EPHA6: variants seen among roughly 807,000 people sequenced by gnomAD.
The protein encoded by EPHA6 is EPH receptor A6, also known as ephrin type-A receptor 6.
In EPHA6, 50 loss-of-function variants were observed where a neutral mutation model predicts 112.0. The ratio of observed to expected loss-of-function variants is 0.45; its 90% CI spans 0.36 to 0.56. The LOEUF is 0.56. Among genes scored for constraint, EPHA6 ranks in the 20% least tolerant of loss-of-function variants. The pLI is 0.00. For missense variants in EPHA6, 1,280 were observed against 1,417.4 expected (o/e 0.90, Z 1.56); for synonymous variants, 529 against 490.7 (o/e 1.08, Z -1.03).
intron 2 of EPHA6, among the ~76,000 whole-genome samples, chr3:96,904,275 T>C (rs1329202457): frequency 2.0e-5 from 3 of 151,496 alleles, no homozygotes; most frequent in East Asian, 3.9e-4. Flanking sequence ...TACTATGCAG[T>C]GATAAAAAAT....
At chr3:97,218,030 G>T (rs1473123237) in intron 3 of EPHA6, among the ~76,000 whole-genome samples, 2 of 152,108 alleles carry the variant, frequency 1.3e-5, no homozygotes, top group Non-Finnish European at 2.9e-5. Context: ...CAGCACTTTG[G>T]CAGACCGAGG....
intron 3 of EPHA6, among the ~76,000 whole-genome samples, chr3:97,218,193 C>CT (rs1348249148): frequency 6.6e-6 from 1 of 151,810 alleles, no homozygotes; most frequent in Non-Finnish European, 1.5e-5. Context: ...ACCACCTGAG[C>CT]TTGGGAGGTG....
intron 3 of EPHA6, among the ~76,000 whole-genome samples, chr3:97,183,096 C>G (rs1051693136): frequency 1.3e-5 from 2 of 151,724 alleles, no homozygotes; most frequent in African/African-American, 4.8e-5. Context: ...AATTGTTTAG[C>G]TTAATTTTAT....
intron 14 of EPHA6, among the ~76,000 whole-genome samples, chr3:97,644,935 T>C (rs1465739607): frequency 6.6e-6 from 1 of 152,008 alleles, no homozygotes; most frequent in African/African-American, 2.4e-5. Flanking sequence ...TAACTCATTT[T>C]ATGAGGCCAG....
chr3:97,391,459 T>C (rs2086392752), intron 5 of EPHA6, among the ~76,000 whole-genome samples: 1 of 151,982 alleles, frequency 6.6e-6, no homozygotes. Context: ...TACATAACTT[T>C]GGGTAAGTCT....
Position 97,752,488 on chromosome 3 carries a change from C to T in EPHA6, c.*3787C>T, listed in dbSNP as rs1576404492. The stretch of plus-strand genomic sequence containing the variant: ...CAGCCCTGTTTTTAATTCCCCCATC[C>T]TCTCTCTTTATTCCTTTCTCAGCTT... On this transcript the variant is annotated 3_prime_UTR_variant, in exon 18 of 18. Coordinates refer to ENST00000389672, the MANE Select transcript of EPHA6 (RefSeq NM_001080448.3). 4.6e-6 allele frequency: 1 copy of T among 218,632 alleles called. No individual in the cohort carries two copies. Among genetic ancestry groups the T allele is most frequent in the Non-Finnish European group, 9.2e-6 (1 of 108,512 alleles). 13.5% of individuals were successfully genotyped at this position (218,632 alleles called of 1,614,324 possible). A position where few individuals can be genotyped will look rare whatever the true frequency, so the allele number is the denominator to read the frequency against.
In EPHA6 at chr3:97,619,894, T is replaced by C. The variant is rs539430023; in HGVS notation, c.2574+9040T>C. Among the ~76,000 whole-genome samples, 5 of 152,244 alleles carry C rather than the reference T, an allele frequency of 3.3e-5. No homozygotes were observed. The South Asian group carries it at 1.0e-3, about 32-fold the overall frequency. ...TTCCATAAAACTACCATTGGTGTTC[T>C]TCACAGAACTAGAAAAAACTATTTT... On this transcript the variant is annotated intron_variant, in intron 13 of 17. Coordinates refer to ENST00000389672, the MANE Select transcript of EPHA6 (RefSeq NM_001080448.3).
chr3:97,367,289 A>C (rs2084788941), intron 5 of EPHA6, among the ~76,000 whole-genome samples: 1 of 152,186 alleles, frequency 6.6e-6, no homozygotes. Context: ...AATAGAGAAT[A>C]AAGTAGCCCC....
chr3:97,145,223 A>G (rs2076010336), intron 3 of EPHA6, among the ~76,000 whole-genome samples: 1 of 151,478 alleles, frequency 6.6e-6, no homozygotes, highest in Non-Finnish European at 1.5e-5. Context: ...TGACAGATGT[A>G]CAATGAAATA....
chr3:97,267,338 C>A (rs188423037), intron 5 of EPHA6, among the ~76,000 whole-genome samples: 1 of 151,966 alleles, frequency 6.6e-6, no homozygotes, highest in East Asian at 1.9e-4. Context: ...CTTTCTTGCA[C>A]CCACTAAAAT....
chr3:96,994,728 T>TAGAGAGAGAGAGAGAGAGAG (rs1455826302), intron 3 of EPHA6, among the ~76,000 whole-genome samples: 1 of 78,854 alleles, frequency 1.3e-5, no homozygotes, highest in Non-Finnish European at 2.3e-5. Context: ...TATATATATA[T>TAGAGAGAGAGAGAGAGAGAG]ATATAGAGAG....
chr3:97,035,155 G>A (rs546940906), intron 3 of EPHA6, among the ~76,000 whole-genome samples: 1 of 151,906 alleles, frequency 6.6e-6, no homozygotes, highest in South Asian at 2.1e-4. Context: ...TATTTATATG[G>A]GGTCATTATT....
At chr3:97,623,046 T>C (rs143723761) in intron 13 of EPHA6, among the ~76,000 whole-genome samples, 2 of 151,988 alleles carry the variant, frequency 1.3e-5, no homozygotes, top group East Asian at 1.9e-4. Context: ...TCTCCCATTC[T>C]GTGCGTTGCC....
intron 2 of EPHA6, among the ~76,000 whole-genome samples, chr3:96,920,933 C>T (rs2039726491): frequency 6.6e-6 from 1 of 151,852 alleles, no homozygotes; most frequent in African/African-American, 2.4e-5. Flanking sequence ...TTTATTTAAT[C>T]CAAAATTGTA....
intron 2 of EPHA6, among the ~76,000 whole-genome samples, chr3:96,877,913 GTA>G (rs199836054): frequency 2.1e-4 from 27 of 131,220 alleles, no homozygotes; most frequent in African/African-American, 5.2e-4. Flanking sequence ...ATGTGTGTGT[GTA>G]TATATATATA....
In EPHA6 at chr3:97,532,484, G is replaced by C; in HGVS notation, c.2327G>C (p.Ser776Thr). 1 of 1,612,344 alleles carries C rather than the reference G, an allele frequency of 6.2e-7. No individual in the cohort carries two copies. The highest frequency in any genetic ancestry group is 8.5e-7 in the Non-Finnish European group (1 of 1,178,834). ...AGAAGAGATTTTCTAAGAGAAGCTAGTATCATGGGCCAGTTTGACCATCCA... is the reference window on the plus strand; with the variant it reads ...AGAAGAGATTTTCTAAGAGAAGCTACTATCATGGGCCAGTTTGACCATCCA... ...RQRRDFLREA[S>T]IMGQFDHPNI... The change falls in exon 11 of 18, where the codon AGT becomes ACT. Residue 776 changes from serine to threonine, a missense_variant. By Grantham distance (58) the Ser-to-Thr change is moderately conservative. Coordinates refer to ENST00000389672, the MANE Select transcript of EPHA6 (RefSeq NM_001080448.3).
chr3:97,009,920 A>C (rs1299933699), intron 3 of EPHA6: 2 of 468,460 alleles, frequency 4.3e-6, no homozygotes, highest in Non-Finnish European at 8.2e-6. Flanking sequence ...CTAGCCTTCT[A>C]GTCAATTTTG....
At chr3:97,147,384 C>CT (rs572282208) in intron 3 of EPHA6, among the ~76,000 whole-genome samples, 18 of 152,108 alleles carry the variant, frequency 1.2e-4, no homozygotes, top group African/African-American at 4.1e-4. Flanking sequence ...GTTTACTTGA[C>CT]TTTTTTCCTT....
intron 14 of EPHA6, among the ~76,000 whole-genome samples, chr3:97,655,670 A>G (rs1295219601): frequency 1.4e-5 from 2 of 146,934 alleles, no homozygotes; most frequent in Non-Finnish European, 3.0e-5. Flanking sequence ...GTCAAATGGT[A>G]TTTCTAGTTC....
Sources: allele counts gnomAD v4.1 joint callset (sites outside exome capture counted in the v4.1 genomes callset), GRCh38; gene constraint gnomAD v4.1.1; transcripts MANE v1.5; gene names NCBI Gene and HGNC (gene_info 2026-07-23, HGNC 2026-07-21).